Variants in GCNT1 observed in about 807,000 individuals in gnomAD.
GCNT1 encodes beta-1,3-galactosyl-O-glycosyl-glycoprotein beta-1,6-N-acetylglucosaminyltransferase.
Under a neutral mutation model 26.2 loss-of-function variants are expected in GCNT1, and 16 were observed. The ratio of observed to expected loss-of-function variants is 0.61; its 90% CI spans 0.41 to 0.93. GCNT1 has a LOEUF of 0.93. Among genes scored for constraint, GCNT1 ranks in the 40% least tolerant of loss-of-function variants. The pLI, the probability that GCNT1 is intolerant of heterozygous loss-of-function variation, is 0.00. For synonymous variants in GCNT1, 183 were observed against 190.8 expected, an observed-to-expected ratio of 0.96 and a Z score of 0.34; for missense variants, 477 against 526.7, an observed-to-expected ratio of 0.91 and a Z score of 0.92.
intron 1 of GCNT1, among the ~76,000 whole-genome samples, chr9:76,432,597 C>T (rs980467654): frequency 1.9e-4 from 29 of 152,148 alleles, no homozygotes; most frequent in African/African-American, 6.8e-4. Context: ...GCCTGGGCCT[C>T]CCAAAGTGCT....
intron 2 of GCNT1, among the ~76,000 whole-genome samples, chr9:76,481,847 C>T (rs1030420905): frequency 6.6e-6 from 1 of 152,122 alleles, no homozygotes; most frequent in African/African-American, 2.4e-5. Context: ...AGAGGATCAG[C>T]ATTTTTCTTT....
chr9:76,505,861 A>ATTTTAGAGTATT lies in GCNT1; in HGVS notation c.*2194_*2195insTTTAGAGTATTT, dbSNP rs1825223474. ...TTTTTTCTTCATCATAAATGTAAAC[A>ATTTTAGAGTATT]TAGGATTTTAGAGTCTATTTCCCCA... On this transcript the variant is annotated 3_prime_UTR_variant, in exon 4 of 4. Coordinates refer to ENST00000376730, the MANE Select transcript of GCNT1 (RefSeq NM_001490.5). 1 of 165,934 alleles carries ATTTTAGAGTATT rather than the reference A, an allele frequency of 6.0e-6. No homozygotes were observed. Among genetic ancestry groups the ATTTTAGAGTATT allele is most frequent in the Non-Finnish European group, 1.5e-5 (1 of 68,126 alleles). The allele number at this position is 165,934 out of a possible 1,614,324, so 10.3% of individuals were successfully genotyped here. A position where few individuals can be genotyped will look rare whatever the true frequency, so the allele number is the denominator to read the frequency against.
intron 2 of GCNT1, among the ~76,000 whole-genome samples, chr9:76,469,837 T>C (rs1407760872): frequency 2.0e-5 from 3 of 152,116 alleles, no homozygotes; most frequent in Non-Finnish European, 4.4e-5. Flanking sequence ...TGGCTTCTAA[T>C]AGAGCTATAA....
At position 76,502,342 on chromosome 9, in the gene GCNT1, G is replaced by C. The variant is rs1400730657; in HGVS notation, c.-40G>C. ...AATCATTGGTGCTTGGAGCATAGAA[G>C]ACTGCCCTTCACAAAGGAAATCCCT... On this transcript the variant is annotated 5_prime_UTR_variant, in exon 4 of 4. Transcript: ENST00000376730. The C allele has an allele frequency of 3.5e-6, 5 of 1,412,060 alleles. No individual in the cohort carries two copies. Among genetic ancestry groups the C allele is most frequent in the South Asian group, 2.4e-5 (2 of 81,850 alleles). The allele number at this position is 1,412,060 out of a possible 1,614,324, so 87.5% of individuals were successfully genotyped here.
intron 1 of GCNT1, among the ~76,000 whole-genome samples, chr9:76,449,191 G>T (rs983938837): frequency 6.6e-6 from 1 of 151,838 alleles, no homozygotes; most frequent in African/African-American, 2.4e-5. Flanking sequence ...AAATTAGCGG[G>T]GCGGGGTAGT....
At chr9:76,413,471 T>C in the GCNT1 span, among the ~76,000 whole-genome samples, 11 of 152,270 alleles carry the variant, frequency 7.2e-5, no homozygotes, top group South Asian at 1.7e-3. Flanking sequence ...TAAGATGAAA[T>C]TACAGAAAAA....
chr9:76,448,717 G>A (rs573894690), intron 1 of GCNT1, among the ~76,000 whole-genome samples: 2 of 152,108 alleles, frequency 1.3e-5, no homozygotes, highest in African/African-American at 4.8e-5. Context: ...TGAATCAAAC[G>A]GTCTGTACTC....
intron 2 of GCNT1, among the ~76,000 whole-genome samples, chr9:76,495,340 A>G (rs994423541): frequency 2.6e-5 from 4 of 152,138 alleles, no homozygotes; most frequent in Non-Finnish European, 5.9e-5. Context: ...CGCTGACTTC[A>G]TGAGTGAAGC....
At chr9:76,439,471 C>T (rs1823453108), upstream of GCNT1, among the ~76,000 whole-genome samples, 1 of 151,964 alleles carries the variant, frequency 6.6e-6, no homozygotes, top group Admixed American at 6.6e-5. Context: ...GTGATCTGCC[C>T]AACTTGGCCT....
intron 1 of GCNT1, among the ~76,000 whole-genome samples, chr9:76,442,880 G>A: frequency 7.1e-6 from 1 of 141,678 alleles, no homozygotes; most frequent in Non-Finnish European, 1.6e-5. Context: ...TAGATGTTGG[G>A]AATATACTAA....
chr9:76,429,876 G>A (rs561640337), intron 1 of GCNT1, among the ~76,000 whole-genome samples: 159 of 151,970 alleles, frequency 1.0e-3, no homozygotes, highest in Middle Eastern at 6.8e-3. Context: ...CACCACGCCC[G>A]GCTAATTTTT....
intron 1 of GCNT1, among the ~76,000 whole-genome samples, chr9:76,459,647 T>C (rs1003243315): frequency 6.6e-6 from 1 of 152,206 alleles, no homozygotes; most frequent in African/African-American, 2.4e-5. Flanking sequence ...ACAGACTCGC[T>C]GCCATCCCAT....
chr9:76,436,518 G>A (rs1823411452), intron 1 of GCNT1, among the ~76,000 whole-genome samples: 1 of 150,738 alleles, frequency 6.6e-6, no homozygotes, highest in South Asian at 2.1e-4. Context: ...CTTGACCCTG[G>A]GAGGTGAAGG....
intron 1 of GCNT1, among the ~76,000 whole-genome samples, chr9:76,447,151 CAAAAAAAAA>C (rs532132124): frequency 8.3e-5 from 3 of 35,992 alleles, no homozygotes; most frequent in African/African-American, 2.3e-4. Context: ...AACCCTGTGT[CAAAAAAAAA>C]AAAAAAAAAA....
At chr9:76,472,729 CT>C (rs1824160110) in intron 2 of GCNT1, among the ~76,000 whole-genome samples, 1 of 88,898 alleles carries the variant, frequency 1.1e-5, no homozygotes, top group Non-Finnish European at 2.0e-5. Flanking sequence ...TCTTTCTTTT[CT>C]TTTCTTTTCT....
chr9:76,497,623 G>A (rs1335131838), intron 2 of GCNT1, among the ~76,000 whole-genome samples: 1 of 152,178 alleles, frequency 6.6e-6, no homozygotes, highest in Non-Finnish European at 1.5e-5. Context: ...CAGTGGTAAA[G>A]ACCTATGCCT....
chr9:76,503,227 C>G lies in GCNT1; in HGVS notation c.846C>G (p.Leu282=), dbSNP rs1825135485. The change falls in exon 4 of 4, where the codon CTC becomes CTG. Residue 282 remains leucine (L), a synonymous_variant. Transcript: ENST00000376730. The stretch of plus-strand genomic sequence containing the variant: ...TGCTTCCTCCACTCGAAACACCTCT[C>G]TTTTCTGGCAGTGCCTACTTCGTGG... ...VKMLPPLETP[L]FSGSAYFVVS... The G allele has an allele frequency of 1.2e-6, 2 of 1,614,176 alleles. No homozygotes were observed. The highest frequency in any genetic ancestry group is 1.7e-6 in the Non-Finnish European group (2 of 1,180,034).
intron 2 of GCNT1, among the ~76,000 whole-genome samples, chr9:76,493,027 G>C (rs1377960157): frequency 2.6e-5 from 4 of 152,154 alleles, no homozygotes; most frequent in South Asian, 2.1e-4. Flanking sequence ...ACCCTCGAGG[G>C]AGTCGGGTGA....
intron 1 of GCNT1, among the ~76,000 whole-genome samples, chr9:76,428,753 T>G (rs1168223754): frequency 6.8e-6 from 1 of 147,738 alleles, no homozygotes; most frequent in Non-Finnish European, 1.5e-5. Context: ...CAGGCTGGAG[T>G]GCAATGGCAT....
Sources: allele counts gnomAD v4.1 joint callset (sites outside exome capture counted in the v4.1 genomes callset), GRCh38; gene constraint gnomAD v4.1.1; transcripts MANE v1.5; gene names NCBI Gene and HGNC (gene_info 2026-07-23, HGNC 2026-07-21).